The following FAM227B variants were observed in gnomAD, a reference collection of about 807,000 sequenced individuals.
The protein encoded by FAM227B is family with sequence similarity 227 member B.
Under a neutral mutation model 73.8 loss-of-function variants are expected in FAM227B, and 88 were observed. The ratio of observed to expected loss-of-function variants is 1.19; its 90% CI spans 1.00 to 1.42. The LOEUF is 1.42. FAM227B is among the 40% of genes most tolerant of loss of function. The pLI, the probability that FAM227B is intolerant of heterozygous loss-of-function variation, is 0.00. For missense variants in FAM227B, 632 were observed against 590.9 expected, an observed-to-expected ratio of 1.07 and a Z score of -0.72; for synonymous variants, 210 against 190.5, an observed-to-expected ratio of 1.10 and a Z score of -0.84.
chr15:49,353,840 A>C (rs2151322880), intron 13 of FAM227B: 1 of 152,322 alleles, frequency 6.6e-6, no homozygotes, highest in East Asian at 1.9e-4. Flanking sequence ...TGATTGCATT[A>C]CTAGGTTCTT....
chr15:49,403,990 T>G (rs2048349309), intron 11 of FAM227B, among the ~76,000 whole-genome samples: 1 of 152,196 alleles, frequency 6.6e-6, no homozygotes, highest in African/African-American at 2.4e-5. Context: ...AAGAACTTCT[T>G]AATTTCTTCC....
intron 11 of FAM227B, among the ~76,000 whole-genome samples, chr15:49,489,883 T>TATATATATATATATATAGAG (rs1555505060): frequency 4.4e-5 from 1 of 22,948 alleles, no homozygotes; most frequent in East Asian, 1.2e-3. Context: ...TATATATATA[T>TATATATATATATATATAGAG]AGAGAGAGAG....
rs35391819 is a variant in FAM227B at position 49,589,542 on chromosome 15, TACACACACACACACACACACAC to T, written c.337+212_337+233del. Among the ~76,000 whole-genome samples the T allele has an allele frequency of 2.2e-4, 31 of 139,820 alleles. No homozygotes were observed. The East Asian group carries it at 6.1e-3, about 28-fold the overall frequency. The allele number at this position is 139,820 out of a possible 152,430, so 91.7% of individuals were successfully genotyped here. On this transcript the variant is annotated intron_variant, in intron 4 of 15. Transcript: ENST00000299338. ...CTTAGAATTTCATTCTTTATGAGATTACACACACACACACACACACACACACACACACACACACACACACACA... is the reference window on the plus strand; with the variant it reads ...CTTAGAATTTCATTCTTTATGAGATTACACACACACACACACACACACACA...
At chr15:49,530,141 T>C (rs1260015187) in intron 10 of FAM227B, among the ~76,000 whole-genome samples, 1 of 151,838 alleles carries the variant, frequency 6.6e-6, no homozygotes, top group Admixed American at 6.6e-5. Context: ...TTTGCAATTA[T>C]TATGCTTTTA....
chr15:49,470,877 C>T (rs1164118585), intron 11 of FAM227B, among the ~76,000 whole-genome samples: 2 of 152,134 alleles, frequency 1.3e-5, no homozygotes, highest in Non-Finnish European at 2.9e-5. Flanking sequence ...AGAAATACAT[C>T]CAAGAACTCA....
At chr15:49,352,995 A>G (rs1273081603) in intron 13 of FAM227B, among the ~76,000 whole-genome samples, 2 of 152,224 alleles carry the variant, frequency 1.3e-5, no homozygotes, top group Non-Finnish European at 2.9e-5. Flanking sequence ...TTAGGGGACT[A>G]TGCACAGACA....
intron 10 of FAM227B, among the ~76,000 whole-genome samples, chr15:49,510,477 A>C (rs2058911935): frequency 1.3e-5 from 2 of 152,048 alleles, no homozygotes; most frequent in African/African-American, 4.8e-5. Flanking sequence ...TGCTCCCCCC[A>C]CTATTGTCTA....
chr15:49,377,740 T>TTATA (rs2046262765), intron 11 of FAM227B, among the ~76,000 whole-genome samples: 1 of 152,164 alleles, frequency 6.6e-6, no homozygotes, highest in African/African-American at 2.4e-5. Flanking sequence ...CTTGAGCTCC[T>TTATA]TATATACCCT....
rs1300772493 is a variant in FAM227B at position 49,329,622 on chromosome 15, CAG to C, written c.1420-949_1420-948del. ...ACTTCTGATGCATTTTCATTCTTAGCAGAAAGGTAAATGCTTGAGAAAGCTTG... is the reference window on the plus strand; with the variant it reads ...ACTTCTGATGCATTTTCATTCTTAGCAAAGGTAAATGCTTGAGAAAGCTTG... On this transcript the variant is annotated intron_variant, in intron 15 of 15. Transcript: ENST00000299338. 4.1e-6 allele frequency: 4 copies of C among 984,582 alleles called. No homozygotes were observed. The African/African-American group carries it at 7.0e-5, about 17-fold the overall frequency. The allele number at this position is 984,582 out of a possible 1,614,324, so 61.0% of individuals were successfully genotyped here. A position where few individuals can be genotyped will look rare whatever the true frequency, so the allele number is the denominator to read the frequency against.
intron 7 of FAM227B, chr15:49,576,123 T>A (rs2075426324): frequency 6.6e-6 from 1 of 152,284 alleles, no homozygotes; most frequent in African/African-American, 2.4e-5. Context: ...TGTACACTGA[T>A]AACAGCTTCA....
At chr15:49,380,580 A>G (rs2046460704) in intron 11 of FAM227B, among the ~76,000 whole-genome samples, 1 of 152,218 alleles carries the variant, frequency 6.6e-6, no homozygotes, top group Non-Finnish European at 1.5e-5. Context: ...AAAATTCAAA[A>G]TATTACTTAA....
At position 49,327,008 on chromosome 15, in the gene FAM227B, G is replaced by T. The variant is rs2037617846; in HGVS notation, c.*1560C>A. 6.6e-6 allele frequency: 1 copy of T among 152,118 alleles called. No homozygotes were observed. Among genetic ancestry groups the T allele is most frequent in the Admixed American group, 6.5e-5 (1 of 15,268 alleles). The allele number at this position is 152,118 out of a possible 1,614,324, so 9.4% of individuals were successfully genotyped here. On this transcript the variant is annotated 3_prime_UTR_variant, in exon 16 of 16. Transcript: ENST00000299338. ...CTTTAATCCACTAGTAATTTGGAGT[G>T]AATTTTATTAAGAAGAATTAATTGT... is the stretch of plus-strand genomic sequence containing the variant.
chr15:49,575,956 G>A (rs2075412798), intron 7 of FAM227B, among the ~76,000 whole-genome samples: 1 of 152,142 alleles, frequency 6.6e-6, no homozygotes, highest in African/African-American at 2.4e-5. Context: ...GCCAGATTGA[G>A]TAACATTCAA....
intron 10 of FAM227B, among the ~76,000 whole-genome samples, chr15:49,526,502 C>A (rs72729161): frequency 0.063 from 9,562 of 151,960 alleles, 362 homozygotes; most frequent in East Asian, 0.12. Context: ...AAAACAAGAA[C>A]AAACTAAACC....
chr15:49,352,071 A>G (rs577782642), intron 13 of FAM227B, among the ~76,000 whole-genome samples: 2 of 152,212 alleles, frequency 1.3e-5, no homozygotes, highest in South Asian at 4.2e-4. Context: ...TTCCTCATTT[A>G]TGTGTCTGGG....
At chr15:49,608,205 C>T (rs1158872016) in intron 3 of FAM227B, among the ~76,000 whole-genome samples, 2 of 152,050 alleles carry the variant, frequency 1.3e-5, no homozygotes, top group Non-Finnish European at 2.9e-5. Flanking sequence ...CATTATAGCG[C>T]TGTGGTCCTT....
At chr15:49,406,935 A>T (rs2048554323) in intron 11 of FAM227B, among the ~76,000 whole-genome samples, 1 of 151,976 alleles carries the variant, frequency 6.6e-6, no homozygotes, top group Non-Finnish European at 1.5e-5. Context: ...ACCCCAGAAC[A>T]CCCGAGGATG....
chr15:49,556,242 T>C (rs1567570305), intron 9 of FAM227B, among the ~76,000 whole-genome samples: 1 of 152,060 alleles, frequency 6.6e-6, no homozygotes, highest in Non-Finnish European at 1.5e-5. Flanking sequence ...TTTGGATTTT[T>C]TTTTCTTTTA....
chr15:49,603,629 CTTTT>C (rs1011091562), intron 3 of FAM227B, among the ~76,000 whole-genome samples: 2 of 152,016 alleles, frequency 1.3e-5, no homozygotes, highest in African/African-American at 4.8e-5. Context: ...TTATTTCTTT[CTTTT>C]GTCTGATTGC....
Sources: gnomAD v4.1 joint callset for allele counts (sites outside exome capture counted in the v4.1 genomes callset) on GRCh38, gnomAD v4.1.1 for gene constraint, MANE v1.5 for transcripts, NCBI Gene and HGNC (gene_info 2026-07-23, HGNC 2026-07-21) for gene names.